Variants in CADM2 observed in about 807,000 individuals in gnomAD.
The protein encoded by CADM2 is cell adhesion molecule 2.
In CADM2, 12 loss-of-function variants were observed where a neutral mutation model predicts 49.8. That is an observed-to-expected ratio of 0.24 (90% confidence interval 0.15 to 0.39). The LOEUF (loss-of-function observed/expected upper bound fraction) is 0.39, where lower values mean the gene tolerates loss of function less well. CADM2 is among the 10% of genes least tolerant of loss of function. CADM2 has a pLI of 1.00. For synonymous variants in CADM2, 214 were observed against 175.4 expected, an observed-to-expected ratio of 1.22 and a Z score of -1.74; for missense variants, 378 against 492.3, an observed-to-expected ratio of 0.77 and a Z score of 2.20.
At chr3:85,860,619 G>T (rs971211348) in intron 3 of CADM2, among the ~76,000 whole-genome samples, 5 of 152,146 alleles carry the variant, frequency 3.3e-5, no homozygotes, top group African/African-American at 1.2e-4. Flanking sequence ...CCATCTTCTT[G>T]TGTAGAGAGG....
chr3:85,997,421 T>G (rs7613116), intron 8 of CADM2, among the ~76,000 whole-genome samples: 26,563 of 152,166 alleles, frequency 0.17, 2,370 homozygotes, highest in South Asian at 0.24. Context: ...ACTACAAATT[T>G]GTAGTAATCT....
chr3:85,823,392 C>G (rs1049960838), intron 3 of CADM2, among the ~76,000 whole-genome samples: 2 of 152,120 alleles, frequency 1.3e-5, no homozygotes, highest in Admixed American at 1.3e-4. Flanking sequence ...CTTAATCAGA[C>G]TACATCAAAA....
At chr3:85,183,337 T>A (rs1472217558) in intron 1 of CADM2, among the ~76,000 whole-genome samples, 1 of 152,166 alleles carries the variant, frequency 6.6e-6, no homozygotes, top group Non-Finnish European at 1.5e-5. Flanking sequence ...TGCAATACAT[T>A]CTGTTGTTCT....
intron 1 of CADM2, among the ~76,000 whole-genome samples, chr3:85,363,740 T>G (rs1294272954): frequency 6.6e-6 from 1 of 152,148 alleles, no homozygotes; most frequent in Non-Finnish European, 1.5e-5. Context: ...GCCTCCCGAA[T>G]AGCTGGGACT....
intron 2 of CADM2, among the ~76,000 whole-genome samples, chr3:85,729,348 C>A (rs930994221): frequency 6.6e-6 from 1 of 152,152 alleles, no homozygotes; most frequent in Non-Finnish European, 1.5e-5. Flanking sequence ...ATAAACTTCA[C>A]TTCCTACAAA....
Position 85,665,969 on chromosome 3 carries a change from C to T in CADM2, c.62-60553C>T, listed in dbSNP as rs548734222. Among the ~76,000 whole-genome samples the T allele has an allele frequency of 3.3e-5, 5 of 151,968 alleles. No individual in the cohort carries two copies. The South Asian group carries it at 1.0e-3, about 31-fold the overall frequency. On this transcript the variant is annotated intron_variant, in intron 1 of 9. Coordinates refer to ENST00000383699, the MANE Select transcript of CADM2 (RefSeq NM_001167675.2). Reference sequence around the variant, plus strand: ...TCAAATTGTCTCTATTTGCAGATGACATGAGTGTATATTTAGAAAACCCCA... The same window carrying T: ...TCAAATTGTCTCTATTTGCAGATGATATGAGTGTATATTTAGAAAACCCCA...
chr3:86,003,520 C>G (rs1283644862), intron 8 of CADM2, among the ~76,000 whole-genome samples: 1 of 152,096 alleles, frequency 6.6e-6, no homozygotes, highest in Admixed American at 6.6e-5. Context: ...GCTGTGACTA[C>G]AATAATATTG....
At chr3:85,289,487 G>C (rs1413304509) in intron 1 of CADM2, among the ~76,000 whole-genome samples, 1 of 152,124 alleles carries the variant, frequency 6.6e-6, no homozygotes, top group African/African-American at 2.4e-5. Context: ...TTGATTATCT[G>C]GTTAATTTGT....
chr3:84,983,646 A>G (rs1441939574), intron 1 of CADM2, among the ~76,000 whole-genome samples: 1 of 152,144 alleles, frequency 6.6e-6, no homozygotes, highest in Non-Finnish European at 1.5e-5. Flanking sequence ...TGCTCTATAC[A>G]CAATGGCCTT....
At chr3:85,943,650 A>G (rs1722261353) in intron 7 of CADM2, among the ~76,000 whole-genome samples, 1 of 152,004 alleles carries the variant, frequency 6.6e-6, no homozygotes, top group Admixed American at 6.6e-5. Flanking sequence ...TTCAAACTAT[A>G]CTACAAGGCT....
At chr3:85,846,912 C>T (rs2074907643) in intron 3 of CADM2, among the ~76,000 whole-genome samples, 1 of 151,914 alleles carries the variant, frequency 6.6e-6, no homozygotes, top group African/African-American at 2.4e-5. Context: ...TTCCTTTGGC[C>T]ATTGAGTGAA....
chr3:85,683,010 A>T (rs2066083072), intron 1 of CADM2, among the ~76,000 whole-genome samples: 1 of 152,156 alleles, frequency 6.6e-6, no homozygotes. Flanking sequence ...TCTCCCCTTT[A>T]TGATTAAATA....
intron 1 of CADM2, among the ~76,000 whole-genome samples, chr3:85,391,932 T>A (rs2034539247): frequency 6.6e-6 from 1 of 152,098 alleles, no homozygotes; most frequent in South Asian, 2.1e-4. Flanking sequence ...CACTGTGAAT[T>A]TGAGAAAAGA....
chr3:86,023,321 C>T (rs1378037106), intron 8 of CADM2, among the ~76,000 whole-genome samples: 1 of 152,120 alleles, frequency 6.6e-6, no homozygotes, highest in Non-Finnish European at 1.5e-5. Context: ...GAAAAATTCA[C>T]AATTCAAAAA....
At chr3:85,067,856 G>A (rs2036580991) in intron 1 of CADM2, among the ~76,000 whole-genome samples, 1 of 152,144 alleles carries the variant, frequency 6.6e-6, no homozygotes, top group Non-Finnish European at 1.5e-5. Context: ...AGGGAGAAGT[G>A]AATAAAATAT....
At chr3:85,344,380 A>AACATAAAT (rs1553711455) in intron 1 of CADM2, among the ~76,000 whole-genome samples, 2 of 140,340 alleles carry the variant, frequency 1.4e-5, no homozygotes, top group Non-Finnish European at 3.0e-5. Context: ...ACACCATCTC[A>AACATAAAT]AAATAAATAA....
chr3:85,162,250 A>G (rs912176230), intron 1 of CADM2, among the ~76,000 whole-genome samples: 1 of 152,154 alleles, frequency 6.6e-6, no homozygotes, highest in African/African-American at 2.4e-5. Flanking sequence ...AGACAAGTAA[A>G]TATGTGATCC....
At chr3:85,946,689 A>G (rs1577738156) in intron 7 of CADM2, among the ~76,000 whole-genome samples, 1 of 152,016 alleles carries the variant, frequency 6.6e-6, no homozygotes, top group East Asian at 1.9e-4. Flanking sequence ...AAAACAAGCA[A>G]TGGGGAAAGG....
intron 3 of CADM2, among the ~76,000 whole-genome samples, chr3:85,860,163 T>A (rs990865235): frequency 6.6e-6 from 1 of 152,186 alleles, no homozygotes; most frequent in Non-Finnish European, 1.5e-5. Context: ...TATTACATAT[T>A]CATGGATACT....
Sources: allele counts gnomAD v4.1 joint callset (sites outside exome capture counted in the v4.1 genomes callset), GRCh38; gene constraint gnomAD v4.1.1; transcripts MANE v1.5; gene names NCBI Gene and HGNC (gene_info 2026-07-23, HGNC 2026-07-21).